The following CSMD3 variants were observed in gnomAD, a reference collection of about 807,000 sequenced individuals.
CSMD3 encodes CUB and Sushi multiple domains 3.
CSMD3 carries 177 observed loss-of-function variants against 435.2 expected under a neutral mutation model. The observed-to-expected ratio is 0.41, with a 90% CI of 0.36 to 0.46. CSMD3 has a LOEUF of 0.46. CSMD3 is among the 20% of genes least tolerant of loss of function. The pLI is 0.34. For synonymous variants in CSMD3, 1,656 were observed against 1,520.5 expected, an observed-to-expected ratio of 1.09 and a Z score of -2.07; for missense variants, 4,265 against 4,504.6, an observed-to-expected ratio of 0.95 and a Z score of 1.52.
intron 27 of CSMD3, among the ~76,000 whole-genome samples, chr8:112,549,393 T>G (rs775361160): frequency 1.3e-5 from 2 of 152,024 alleles, no homozygotes; most frequent in Admixed American, 6.6e-5. Flanking sequence ...ATATTTAAAG[T>G]GCAAATTTAG....
chr8:112,678,840 G>A (rs1240893720), intron 16 of CSMD3, among the ~76,000 whole-genome samples: 2 of 152,024 alleles, frequency 1.3e-5, no homozygotes, highest in Admixed American at 1.3e-4. Flanking sequence ...TGTTTAATAT[G>A]AAGATAATTT....
At chr8:113,042,282 T>C (rs1032329607) in intron 5 of CSMD3, among the ~76,000 whole-genome samples, 1 of 152,162 alleles carries the variant, frequency 6.6e-6, no homozygotes, top group Non-Finnish European at 1.5e-5. Context: ...AAAAAACTAG[T>C]ATAGTAGAAT....
intron 2 of CSMD3, among the ~76,000 whole-genome samples, chr8:113,294,385 G>C (rs2093705198): frequency 6.6e-6 from 1 of 151,836 alleles, no homozygotes; most frequent in Non-Finnish European, 1.5e-5. Flanking sequence ...GTCTATACAT[G>C]ACTTTATTTA....
intron 1 of CSMD3, 48 bp downstream of exon 1, chr8:113,436,629 T>A (rs199557820): frequency 3.8e-4 from 595 of 1,560,108 alleles, no homozygotes; most frequent in Non-Finnish European, 4.8e-4. Flanking sequence ...CATCTACAAG[T>A]CAGCCCACCT....
At chr8:112,900,035 C>T (rs1484543892) in intron 10 of CSMD3, among the ~76,000 whole-genome samples, 1 of 151,066 alleles carries the variant, frequency 6.6e-6, no homozygotes, top group African/African-American at 2.4e-5. Context: ...CTCTGACTTG[C>T]TACAAGTGGA....
chr8:112,913,975 G>C (rs1466175696), intron 10 of CSMD3, among the ~76,000 whole-genome samples: 1 of 151,682 alleles, frequency 6.6e-6, no homozygotes, highest in Non-Finnish European at 1.5e-5. Context: ...TTTCCCACTG[G>C]AGTAGCCCAT....
intron 13 of CSMD3, among the ~76,000 whole-genome samples, chr8:112,756,004 G>A (rs2077689353): frequency 1.3e-5 from 2 of 151,952 alleles, no homozygotes; most frequent in Admixed American, 6.6e-5. Flanking sequence ...AAGGGAAATG[G>A]AATTGGTGCT....
chr8:113,318,042 G>A (rs1259062188), intron 1 of CSMD3, among the ~76,000 whole-genome samples: 2 of 152,086 alleles, frequency 1.3e-5, no homozygotes, highest in African/African-American at 4.8e-5. Context: ...AAACAACTCT[G>A]TACATATATC....
chr8:112,799,213 A>G (rs11776352), intron 13 of CSMD3, among the ~76,000 whole-genome samples: 1 of 151,260 alleles, frequency 6.6e-6, no homozygotes, highest in Non-Finnish European at 1.5e-5. Context: ...TAGTCACACA[A>G]AAAAAAACAC....
intron 10 of CSMD3, among the ~76,000 whole-genome samples, chr8:112,884,805 C>T (rs1359889861): frequency 6.6e-6 from 1 of 151,754 alleles, no homozygotes; most frequent in Non-Finnish European, 1.5e-5. Flanking sequence ...GCTTCCATTG[C>T]AGTGGGAACT....
chr8:112,340,606 G>C (rs1824997846), intron 42 of CSMD3, among the ~76,000 whole-genome samples: 1 of 151,938 alleles, frequency 6.6e-6, no homozygotes, highest in Non-Finnish European at 1.5e-5. Flanking sequence ...TAACATTTTA[G>C]TTTATTTTGA....
intron 32 of CSMD3, among the ~76,000 whole-genome samples, chr8:112,470,602 T>A (rs1230515338): frequency 1.3e-5 from 2 of 152,064 alleles, no homozygotes; most frequent in Non-Finnish European, 2.9e-5. Context: ...ATATTAAGCA[T>A]GAAGTATGTT....
chr8:113,338,306 C>T (rs1213252825), intron 1 of CSMD3, among the ~76,000 whole-genome samples: 2 of 151,754 alleles, frequency 1.3e-5, no homozygotes, highest in Admixed American at 6.6e-5. Context: ...GATGGTGCAG[C>T]CAATTTAGAA....
intron 1 of CSMD3, among the ~76,000 whole-genome samples, chr8:113,399,106 T>TATATACACACACACAC (rs773585004): frequency 1.1e-5 from 1 of 95,096 alleles, no homozygotes; most frequent in African/African-American, 4.5e-5. Context: ...TATATATATA[T>TATATACACACACACAC]ACACACACAC....
intron 7 of CSMD3, among the ~76,000 whole-genome samples, chr8:112,956,608 G>T (rs1213619381): frequency 6.6e-6 from 1 of 151,936 alleles, no homozygotes; most frequent in Non-Finnish European, 1.5e-5. Flanking sequence ...GAAAACTAAA[G>T]GAAAAGATTA....
rs1036713383 is a variant in CSMD3, at chr8:113,326,325, G to T, written c.179-11532C>A. Among the ~76,000 whole-genome samples, 3 of 148,768 alleles carry T rather than the reference G, an allele frequency of 2.0e-5. No individual in the cohort carries two copies. In the East Asian group the frequency reaches 6.0e-4, roughly 30 times the overall value. ...CTTGTCTTTTTAAAGTGACCATGTT[G>T]TTATATTAATTATATTAAGATCCCA... On this transcript the variant is annotated intron_variant, in intron 1 of 70. Transcript: ENST00000297405.
At chr8:112,543,124 C>G (rs1050954016) in intron 27 of CSMD3, among the ~76,000 whole-genome samples, 7 of 152,028 alleles carry the variant, frequency 4.6e-5, no homozygotes, top group South Asian at 4.1e-4. Flanking sequence ...GCTTAAACGC[C>G]AGACCTGAAA....
Position 112,920,940 on chromosome 8 carries a change from C to T in CSMD3, c.1633+687G>A, listed in dbSNP as rs984909558. 7.4e-5 allele frequency among the ~76,000 whole-genome samples: 11 copies of T among 148,762 alleles called. 1 individual carries two copies. The South Asian group carries it at 8.5e-4, about 11-fold the overall frequency. On this transcript the variant is annotated intron_variant, in intron 10 of 70. Transcript: ENST00000297405. ...ATATACACACACACACACACACACA[C>T]GCACATATACACATACTGGTATTTA...
chr8:113,315,168 T>G (rs955696841), intron 1 of CSMD3, among the ~76,000 whole-genome samples: 17 of 152,170 alleles, frequency 1.1e-4, no homozygotes, highest in Non-Finnish European at 2.1e-4. Flanking sequence ...CACTGACATT[T>G]TAAAGATCTT....
Sources: allele counts gnomAD v4.1 joint callset (sites outside exome capture counted in the v4.1 genomes callset), GRCh38; gene constraint gnomAD v4.1.1; transcripts MANE v1.5; gene names NCBI Gene and HGNC (gene_info 2026-07-23, HGNC 2026-07-21).